CHST11: variants seen among roughly 807,000 people sequenced by gnomAD.
CHST11 encodes the protein C4S-1.
In CHST11, 9 loss-of-function variants were observed where a neutral mutation model predicts 30.4. The observed-to-expected ratio is 0.30, with a 90% confidence interval of 0.18 to 0.52. The LOEUF is 0.52. Ranked by LOEUF, CHST11 falls within the 20% of genes least tolerant of loss-of-function variation. CHST11 has a pLI of 0.97. For missense variants in CHST11, 348 were observed against 460.6 expected (o/e 0.76, Z 2.24); for synonymous variants, 152 against 187.8 (o/e 0.81, Z 1.56).
intron 2 of CHST11, among the ~76,000 whole-genome samples, chr12:104,744,885 A>T (rs539662919): frequency 8.0e-6 from 1 of 125,566 alleles, no homozygotes; most frequent in Admixed American, 8.2e-5. Flanking sequence ...TTATTTATTT[A>T]TTTTTTGAGA....
intron 2 of CHST11, among the ~76,000 whole-genome samples, chr12:104,625,837 G>A (rs1417945812): frequency 6.6e-6 from 1 of 152,146 alleles, no homozygotes; most frequent in Non-Finnish European, 1.5e-5. Flanking sequence ...GACAGTAAAA[G>A]CTCATTAATT....
intron 2 of CHST11, among the ~76,000 whole-genome samples, chr12:104,694,719 T>C (rs2039928713): frequency 6.6e-6 from 1 of 152,156 alleles, no homozygotes; most frequent in African/African-American, 2.4e-5. Context: ...GGAAACTCTT[T>C]GAACTCCTGG....
At chr12:104,632,398 C>A (rs1216617011) in intron 2 of CHST11, among the ~76,000 whole-genome samples, 1 of 152,188 alleles carries the variant, frequency 6.6e-6, no homozygotes, top group Non-Finnish European at 1.5e-5. Context: ...GTACAACCAG[C>A]TCTGGTGGAA....
At chr12:104,463,254 A>G (rs1405738831) in intron 1 of CHST11, among the ~76,000 whole-genome samples, 1 of 152,218 alleles carries the variant, frequency 6.6e-6, no homozygotes, top group Non-Finnish European at 1.5e-5. Flanking sequence ...ACTCTGAGGA[A>G]AACCAGAAGT....
chr12:104,701,410 C>T (rs1202261487), intron 2 of CHST11, among the ~76,000 whole-genome samples: 1 of 152,148 alleles, frequency 6.6e-6, no homozygotes. Context: ...AAGGTCCCTG[C>T]TTTCTGTGAG....
At chr12:104,611,826 A>G (rs1333944769) in intron 2 of CHST11, among the ~76,000 whole-genome samples, 1 of 152,204 alleles carries the variant, frequency 6.6e-6, no homozygotes, top group Non-Finnish European at 1.5e-5. Context: ...CATATCAGTC[A>G]TTATATCTTA....
chr12:104,723,244 CTTTGT>C (rs1446184761), intron 2 of CHST11, among the ~76,000 whole-genome samples: 1 of 152,186 alleles, frequency 6.6e-6, no homozygotes, highest in Non-Finnish European at 1.5e-5. Flanking sequence ...GCTGTGAGCC[CTTTGT>C]TTTAACTCAT....
At chr12:104,550,255 C>A (rs1341268652) in intron 1 of CHST11, among the ~76,000 whole-genome samples, 2 of 152,296 alleles carry the variant, frequency 1.3e-5, no homozygotes, top group East Asian at 3.9e-4. Context: ...TGGCATTTCC[C>A]CCATGTGGTC....
At chr12:104,631,013 G>A (rs12426450) in intron 2 of CHST11, among the ~76,000 whole-genome samples, 44,296 of 152,092 alleles carry the variant, frequency 0.29, 7,426 homozygotes, top group East Asian at 0.41. Flanking sequence ...TCTCACTGAC[G>A]TGTGGTCAGG....
intron 1 of CHST11, among the ~76,000 whole-genome samples, chr12:104,518,380 A>G (rs986814110): frequency 5.3e-5 from 8 of 152,154 alleles, no homozygotes; most frequent in African/African-American, 1.2e-4. Context: ...GATGATACAC[A>G]TGTTATCATG....
chr12:104,475,692 T>TATATATATATATATATATC (rs2037553513), intron 1 of CHST11, among the ~76,000 whole-genome samples: 1 of 30,000 alleles, frequency 3.3e-5, no homozygotes, highest in Non-Finnish European at 1.1e-4. Flanking sequence ...ATATATATAT[T>TATATATATATATATATATC]TCTGATTATG....
intron 2 of CHST11, among the ~76,000 whole-genome samples, chr12:104,752,609 C>G (rs535125919): frequency 3.3e-5 from 5 of 152,298 alleles, no homozygotes; most frequent in East Asian, 3.9e-4. Context: ...CTCATTGCAA[C>G]CTCCGCCTCC....
At chr12:104,532,328 C>T (rs2038193746) in intron 1 of CHST11, among the ~76,000 whole-genome samples, 1 of 152,024 alleles carries the variant, frequency 6.6e-6, no homozygotes, top group Non-Finnish European at 1.5e-5. Flanking sequence ...CCACCCCCAC[C>T]CCGTTATAAG....
chr12:104,651,050 T>TA (rs1320253635), intron 2 of CHST11, among the ~76,000 whole-genome samples: 16 of 152,240 alleles, frequency 1.1e-4, no homozygotes, highest in African/African-American at 3.6e-4. Flanking sequence ...TTAGCCCCAT[T>TA]TTCAAATAGC....
intron 2 of CHST11, among the ~76,000 whole-genome samples, chr12:104,610,043 CTGTGTGTGTGTG>C (rs56983056): frequency 0.081 from 11,651 of 143,096 alleles, 554 homozygotes; most frequent in African/African-American, 0.13. Flanking sequence ...ATGAGTGCCT[CTGTGTGTGTGTG>C]TGTGTGTGTG....
chr12:104,750,452 T>TTTTTTTTTTTTTTTTTTTTTTG, intron 2 of CHST11, among the ~76,000 whole-genome samples: 1 of 113,554 alleles, frequency 8.8e-6, no homozygotes, highest in African/African-American at 3.6e-5. Flanking sequence ...TTTTTTTTTT[T>TTTTTTTTTTTTTTTTTTTTTTG]TTTTGTTGAG....
chr12:104,546,737 C>T (rs2038354672), intron 1 of CHST11, among the ~76,000 whole-genome samples: 2 of 152,084 alleles, frequency 1.3e-5, no homozygotes, highest in African/African-American at 4.8e-5. Flanking sequence ...GATCTAACTT[C>T]CTCTTTTCCC....
chr12:104,636,841 C>G (rs1164768), intron 2 of CHST11, among the ~76,000 whole-genome samples: 42,537 of 151,824 alleles, frequency 0.28, 6,155 homozygotes, highest in African/African-American at 0.33. Context: ...ACTGCAACTC[C>G]TACTACTCCT....
At position 104,676,196 on chromosome 12, in the gene CHST11, A is replaced by G. The variant is rs965084864; in HGVS notation, c.204+74205A>G. Among the ~76,000 whole-genome samples, 2 of 152,232 alleles carry G rather than the reference A, an allele frequency of 1.3e-5. No homozygotes were observed. Among genetic ancestry groups the G allele is most frequent in the Admixed American group, 6.5e-5 (1 of 15,280 alleles). ...ATGCTACAAAGTAGAGGCTGAAACAATATAAATGTGTTATTTTACTGTTCT... is the reference window on the plus strand; with the variant it reads ...ATGCTACAAAGTAGAGGCTGAAACAGTATAAATGTGTTATTTTACTGTTCT... On this transcript the variant is annotated intron_variant, in intron 2 of 2. Transcript: ENST00000303694. This position sits in a 1 kb window ranked among gnomAD's most constrained non-coding sequence, Gnocchi z 4.4.
Sources: gnomAD v4.1 joint callset for allele counts (sites outside exome capture counted in the v4.1 genomes callset) on GRCh38, gnomAD v4.1.1 for gene constraint, Gnocchi (gnomAD v3.1) non-coding constraint, MANE v1.5 for transcripts, NCBI Gene and HGNC (gene_info 2026-07-23, HGNC 2026-07-21) for gene names.